The following GPHN variants were observed in gnomAD, a reference collection of about 807,000 sequenced individuals.
GPHN encodes the protein gephyrin.
Under a neutral mutation model 95.5 loss-of-function variants are expected in GPHN, and 17 were observed. The ratio of observed to expected loss-of-function variants is 0.18; its 90% CI spans 0.12 to 0.27. The LOEUF (loss-of-function observed/expected upper bound fraction) is 0.27. Ranked by LOEUF, GPHN falls within the 10% of genes least tolerant of loss-of-function variation. The pLI, the probability that GPHN is intolerant of heterozygous loss-of-function variation, is 1.00. For synonymous variants in GPHN, 320 were observed against 322.5 expected, an observed-to-expected ratio of 0.99 and a Z score of 0.08; for missense variants, 660 against 978.1, an observed-to-expected ratio of 0.67 and a Z score of 4.34.
At chr14:66,659,057 C>CA (rs906030489) in intron 1 of GPHN, among the ~76,000 whole-genome samples, 4 of 151,418 alleles carry the variant, frequency 2.6e-5, no homozygotes, top group Non-Finnish European at 5.9e-5. Context: ...TTACTGTTTT[C>CA]AAAAAAATGC....
chr14:67,292,643 A>G, the GPHN span: 40 of 1,613,650 alleles, frequency 2.5e-5, no homozygotes, highest in Non-Finnish European at 3.3e-5. Flanking sequence ...AAGATACACA[A>G]TGCCATCACA....
At chr14:67,345,658 GA>G in the GPHN span, 2 of 653,156 alleles carry the variant, frequency 3.1e-6, no homozygotes, top group Non-Finnish European at 5.4e-6. Context: ...AGGATCATGG[GA>G]ACAGTTAAAA....
intron 17 of GPHN, among the ~76,000 whole-genome samples, chr14:67,140,154 C>T (rs1183673546): frequency 6.6e-6 from 1 of 152,072 alleles, no homozygotes; most frequent in East Asian, 1.9e-4. Flanking sequence ...GAGGCCAAGG[C>T]GAGCAGATCA....
intron 1 of GPHN, among the ~76,000 whole-genome samples, chr14:66,511,943 C>A (rs932615726): frequency 1.3e-5 from 2 of 151,830 alleles, no homozygotes; most frequent in African/African-American, 4.8e-5. Flanking sequence ...ACAACAATAA[C>A]TTTGTTCGAA....
chr14:66,603,016 CAT>C lies in GPHN; in HGVS notation c.65-78088_65-78087del, dbSNP rs146106444. Among the ~76,000 whole-genome samples the C allele has an allele frequency of 3.6e-3, 540 of 151,896 alleles. 3 individuals are homozygous for C. The highest frequency in any genetic ancestry group is 0.012 in the African/African-American group (501 of 41,496). ...TTCAATTTTGGTTCTCTCCGTTAAA[CAT>C]ATCAAGCTTACAAGACTAAGATAGG... On this transcript the variant is annotated intron_variant, in intron 1 of 22. Transcript: ENST00000478722.
At chr14:66,980,770 G>T (rs2070604532) in intron 9 of GPHN, among the ~76,000 whole-genome samples, 1 of 152,116 alleles carries the variant, frequency 6.6e-6, no homozygotes, top group Admixed American at 6.6e-5. Context: ...TGATTTCCTG[G>T]CTGGGTGCAG....
At chr14:67,359,047 G>A in the GPHN span, among the ~76,000 whole-genome samples, 1 of 152,212 alleles carries the variant, frequency 6.6e-6, no homozygotes, top group Non-Finnish European at 1.5e-5. Context: ...TCTGAACAAG[G>A]TGCAGCGGTG....
Position 67,056,995 on chromosome 14 carries a change from C to T in GPHN, c.1007-1654C>T, listed in dbSNP as rs534299335. Among the ~76,000 whole-genome samples, 25 of 152,312 alleles carry T rather than the reference C, an allele frequency of 1.6e-4. No individual in the cohort carries two copies. In the East Asian group the frequency reaches 3.9e-3, roughly 24 times the overall value. On this transcript the variant is annotated intron_variant, in intron 10 of 22. Transcript: ENST00000478722. ...CTCACTGCAGGGCCCGCCGTACCCA[C>T]GCCCACCCAGAACTCGTGCTGGCCC...
intron 1 of GPHN, among the ~76,000 whole-genome samples, chr14:66,678,807 T>A (rs375289187): frequency 1.1e-4 from 16 of 152,230 alleles, no homozygotes; most frequent in Admixed American, 9.2e-4. Flanking sequence ...GTTGCATTAG[T>A]GTAGTCTCTG....
the GPHN span, among the ~76,000 whole-genome samples, chr14:67,346,373 G>A: frequency 1.3e-5 from 2 of 152,238 alleles, no homozygotes; most frequent in African/African-American, 4.8e-5. Context: ...GTGCAGTGGT[G>A]CGATCTCAGC....
the GPHN span, chr14:67,221,670 A>G: frequency 4.0e-6 from 6 of 1,516,418 alleles, no homozygotes; most frequent in African/African-American, 8.3e-5. Context: ...TTTCATTACT[A>G]CCCACAGAGC....
At chr14:67,395,609 C>G in the GPHN span, 1 of 1,610,310 alleles carries the variant, frequency 6.2e-7, no homozygotes, top group Non-Finnish European at 8.5e-7. Context: ...GCCAGTCAGG[C>G]CAGCACTCAG....
chr14:67,160,352 G>C (rs531691628), intron 19 of GPHN, among the ~76,000 whole-genome samples: 3 of 151,992 alleles, frequency 2.0e-5, no homozygotes, highest in South Asian at 4.2e-4. Context: ...TCCTTTGCAA[G>C]AATGTTTCAT....
chr14:66,863,427 T>G (rs1017469024), intron 4 of GPHN, among the ~76,000 whole-genome samples: 3 of 151,886 alleles, frequency 2.0e-5, no homozygotes, highest in Non-Finnish European at 2.9e-5. Context: ...GCAATCCCTA[T>G]CAAAACACCA....
intron 1 of GPHN, among the ~76,000 whole-genome samples, chr14:66,675,399 C>T (rs992279085): frequency 4.6e-5 from 7 of 152,098 alleles, no homozygotes; most frequent in Admixed American, 4.6e-4. Flanking sequence ...CCGCCTCGGC[C>T]TCCCAAAGTG....
the GPHN span, among the ~76,000 whole-genome samples, chr14:67,272,783 C>T: frequency 4.6e-5 from 7 of 152,112 alleles, no homozygotes; most frequent in Admixed American, 1.3e-4. Flanking sequence ...CTCAGCTTCC[C>T]GAGTAGCTGG....
intron 13 of GPHN, among the ~76,000 whole-genome samples, chr14:67,108,752 T>TGTGTGTGC (rs766958253): frequency 4.7e-5 from 7 of 149,766 alleles, no homozygotes; most frequent in Non-Finnish European, 1.0e-4. Context: ...TGTGTGTGTG[T>TGTGTGTGC]GGTTTATTTT....
chr14:67,438,416 G>A, the GPHN span, among the ~76,000 whole-genome samples: 1 of 152,158 alleles, frequency 6.6e-6, no homozygotes, highest in Admixed American at 6.5e-5. Context: ...TTCTTTATGG[G>A]GTTAGAGGTA....
chr14:66,662,261 T>G (rs1255284922), intron 1 of GPHN, among the ~76,000 whole-genome samples: 1 of 152,050 alleles, frequency 6.6e-6, no homozygotes, highest in African/African-American at 2.4e-5. Context: ...ACCACCTGGT[T>G]GTTTGGGCCA....
Sources: gnomAD v4.1 joint callset for allele counts (sites outside exome capture counted in the v4.1 genomes callset) on GRCh38, gnomAD v4.1.1 for gene constraint, MANE v1.5 for transcripts, NCBI Gene and HGNC (gene_info 2026-07-23, HGNC 2026-07-21) for gene names.